The following SNX15 variants were observed in gnomAD, a reference collection of about 807,000 sequenced individuals.
SNX15 encodes the protein sorting nexin 15.
A neutral mutation model predicts 35.2 loss-of-function variants in SNX15; 29 were observed. That is an observed-to-expected ratio of 0.82 (90% CI 0.61 to 1.12). The LOEUF (loss-of-function observed/expected upper bound fraction) is 1.12. Among genes scored for constraint, SNX15 ranks in the 50% most tolerant of loss-of-function variants. The pLI is 0.00. For synonymous variants in SNX15, 189 were observed against 188.2 expected (o/e 1.00, Z -0.03); for missense variants, 400 against 451.5 (o/e 0.89, Z 1.03).
intron 3 of SNX15, among the ~76,000 whole-genome samples, chr11:65,033,995 A>C (rs1381897460): frequency 1.3e-5 from 2 of 152,104 alleles, no homozygotes; most frequent in Non-Finnish European, 2.9e-5. Context: ...GGTGTGAGCC[A>C]CCGCACCTGG....
At chr11:65,027,824 C>G (rs1254974977) in intron 1 of SNX15, among the ~76,000 whole-genome samples, 188 bp downstream of exon 1, 1 of 152,236 alleles carries the variant, frequency 6.6e-6, no homozygotes, top group African/African-American at 2.4e-5. Context: ...CCTGGGTGGG[C>G]GCTGTCTTTT....
Position 65,038,847 on chromosome 11 carries a change from G to A in SNX15, c.922+18G>A, listed in dbSNP as rs1484325273. On this transcript the variant is annotated intron_variant, in intron 7 of 7. Coordinates refer to ENST00000377244, the MANE Select transcript of SNX15 (RefSeq NM_013306.5). The stretch of plus-strand genomic sequence containing the variant: ...AGTCCCCAGTGAGTAGGGACTGAGG[G>A]TGGAGGGTCAGGCCTGGGTCCCAGG... 3 of 1,543,738 alleles carry A rather than the reference G, an allele frequency of 1.9e-6. No individual in the cohort carries two copies. Among genetic ancestry groups the A allele is most frequent in the East Asian group, 2.3e-5 (1 of 43,264 alleles).
In SNX15 at chr11:65,039,769, C is replaced by A. The variant is rs747518396; in HGVS notation, c.1006C>A (p.His336Asn). The part of the protein sequence containing the change: ...LKRAEEILRL[H>N]LSQLPP ...GCGGGCAGAGGAGATCCTGCGCCTG[C>A]ACCTGTCTCAACTCCCACCCTAACA... Residue 336 changes from histidine to asparagine, a missense_variant, in exon 8 of 8, where the codon CAC becomes AAC. His to Asn is a moderately conservative substitution (Grantham distance 68). Coordinates refer to ENST00000377244, the MANE Select transcript of SNX15 (RefSeq NM_013306.5). 1 of 1,612,572 alleles carries A rather than the reference C, an allele frequency of 6.2e-7. No individual in the cohort carries two copies. Among genetic ancestry groups the A allele is most frequent in the East Asian group, 2.2e-5 (1 of 44,848 alleles).
chr11:65,029,575 T>A (rs1172313128), intron 1 of SNX15, among the ~76,000 whole-genome samples: 1 of 149,914 alleles, frequency 6.7e-6, no homozygotes, highest in African/African-American at 2.4e-5. Context: ...TATATAAATA[T>A]ATGTATGTAT....
In SNX15 at chr11:65,039,915, C is replaced by A. The variant is rs1946561348; in HGVS notation, c.*123C>A. 1.7e-6 allele frequency: 1 copy of A among 605,970 alleles called. No individual in the cohort carries two copies. Among genetic ancestry groups the A allele is most frequent in the Non-Finnish European group, 3.0e-6 (1 of 335,258 alleles). The allele number at this position is 605,970 out of a possible 1,614,324, so 37.5% of individuals were successfully genotyped here. ...GGAGCCATTTCTGTAGGTAACTGGA[C>A]CAAGAATGAGAAAAATAATGAATTC... is the stretch of plus-strand genomic sequence containing the variant. On this transcript the variant is annotated 3_prime_UTR_variant, in exon 8 of 8. Coordinates refer to ENST00000377244, the MANE Select transcript of SNX15 (RefSeq NM_013306.5).
rs1318650868 is a variant in SNX15 at position 65,039,826 on chromosome 11, C to T, written c.*34C>T. On this transcript the variant is annotated 3_prime_UTR_variant, in exon 8 of 8. Coordinates refer to ENST00000377244, the MANE Select transcript of SNX15 (RefSeq NM_013306.5). ...GGGCCATTCCCTGGGACTCTCGCTCCTGCACTGCCAGCCCCTTCTCCTCTC... is the reference window on the plus strand; with the variant it reads ...GGGCCATTCCCTGGGACTCTCGCTCTTGCACTGCCAGCCCCTTCTCCTCTC... 18 of 1,416,694 alleles carry T rather than the reference C, an allele frequency of 1.3e-5. No homozygotes were observed. The East Asian group carries it at 3.3e-4, about 26-fold the overall frequency. 87.8% of individuals were successfully genotyped at this position (1,416,694 alleles called of 1,614,324 possible).
chr11:65,035,073 C>A lies in SNX15; in HGVS notation c.387C>A (p.Thr129=), dbSNP rs1370401661. 1.9e-6 allele frequency: 3 copies of A among 1,613,202 alleles called. No homozygotes were observed. Among genetic ancestry groups the A allele is most frequent in the Non-Finnish European group, 8.5e-7 (1 of 1,179,786 alleles). ...CTGTCCTGCAGGGTGGGGAGGTGAC[C>A]CGACCCTTGGAGGTGTCCAGGGACC... The part of the protein sequence containing the change: ...LKEFFRGGEV[T]RPLEVSRDLH... Residue 129 remains threonine (T), a synonymous_variant, in exon 5 of 8, where the codon ACC becomes ACA. Transcript: ENST00000377244.
intron 1 of SNX15, among the ~76,000 whole-genome samples, 154 bp from the exon 2 acceptor site, chr11:65,032,014 G>A (rs76553073): frequency 0.023 from 3,561 of 152,296 alleles, 138 homozygotes; most frequent in African/African-American, 0.08. Flanking sequence ...AATTACACGC[G>A]AAGGCTTAAA....
At chr11:65,032,049 C>A in intron 1 of SNX15, 119 bp from the exon 2 acceptor site, 1 of 937,104 alleles carries the variant, frequency 1.1e-6, no homozygotes, top group Non-Finnish European at 1.7e-6. Context: ...ATGCCAGAGG[C>A]CAATGGCCAA....
intron 6 of SNX15, chr11:65,037,202 T>A (rs930480425): frequency 6.6e-6 from 1 of 152,162 alleles, no homozygotes; most frequent in Non-Finnish European, 1.5e-5. Context: ...CTCTCCTTTT[T>A]AATTTTTTTA....
chr11:65,027,637 G>T lies in SNX15; in HGVS notation c.99+1G>T. ...CACCGAGTACAAAGTAACCGCGCAG[G>T]TGAGGTGGGGCCCAGCGCGTACTTT... is the stretch of plus-strand genomic sequence containing the variant. On this transcript the variant is annotated splice_donor_variant, in intron 1 of 7. Coordinates refer to ENST00000377244, the MANE Select transcript of SNX15 (RefSeq NM_013306.5). LOFTEE classifies it high-confidence loss of function. 3.1e-6 allele frequency: 5 copies of T among 1,611,510 alleles called. No individual in the cohort carries two copies. Among genetic ancestry groups the T allele is most frequent in the Non-Finnish European group, 4.2e-6 (5 of 1,177,664 alleles).
chr11:65,035,853 G>A (rs970547058), intron 6 of SNX15, 190 bp downstream of exon 6: 2 of 550,266 alleles, frequency 3.6e-6, no homozygotes, highest in African/African-American at 1.9e-5. Context: ...ACGTGGTGTG[G>A]TGTGCTGGAT....
At chr11:65,034,790 C>A in intron 3 of SNX15, 57 bp from the exon 4 acceptor site, 1 of 1,391,006 alleles carries the variant, frequency 7.2e-7, no homozygotes, top group Non-Finnish European at 1.0e-6. Flanking sequence ...GGCCTTGGGG[C>A]AGAAGCCCCT....
chr11:65,027,745 G>A (rs1946390096), intron 1 of SNX15, 109 bp downstream of exon 1: 1 of 811,392 alleles, frequency 1.2e-6, no homozygotes, highest in Non-Finnish European at 2.1e-6. Flanking sequence ...GACAGAAATG[G>A]GTTTCCCCTT....
At position 65,039,999 on chromosome 11, in the gene SNX15, C is replaced by T. The variant is rs954184790; in HGVS notation, c.*207C>T. On this transcript the variant is annotated 3_prime_UTR_variant, in exon 8 of 8. Transcript: ENST00000377244. ...CAAGGACTCACACTTCTGACCCTGCCTGTCTTTTTGGGGTTTTTTTGAGTT... is the reference window on the plus strand; with the variant it reads ...CAAGGACTCACACTTCTGACCCTGCTTGTCTTTTTGGGGTTTTTTTGAGTT... 3 of 488,436 alleles carry T rather than the reference C, an allele frequency of 6.1e-6. No individual in the cohort carries two copies. The highest frequency in any genetic ancestry group is 3.9e-5 in the African/African-American group (2 of 51,364). 30.3% of individuals were successfully genotyped at this position (488,436 alleles called of 1,614,324 possible).
chr11:65,032,551 G>A lies in SNX15; in HGVS notation c.256G>A (p.Gly86Ser). 1 of 1,614,088 alleles carries A rather than the reference G, an allele frequency of 6.2e-7. No individual in the cohort carries two copies. The highest frequency in any genetic ancestry group is 8.5e-7 in the Non-Finnish European group (1 of 1,180,014). ...TGCTTTCCCCCGGGCCCAGGTGTTT[G>A]GTGAGTGTTAGATTGGGGCACTCGG... ...FPAFPRAQVF[G>S]RFEASVIEER... is the part of the protein sequence containing the mutation. Residue 86 changes from glycine (G) to serine (S), a missense_variant and splice_region_variant, in exon 3 of 8, where the codon GGC becomes AGC. By Grantham distance (56) the Gly-to-Ser change is moderately conservative (BLOSUM62 0). Transcript: ENST00000377244.
intron 6 of SNX15, chr11:65,038,313 A>C (rs1946526777): frequency 8.5e-7 from 1 of 1,170,298 alleles, no homozygotes; most frequent in Non-Finnish European, 1.1e-6. Flanking sequence ...CCAGTGACCC[A>C]GAGCTTACAA....
intron 1 of SNX15, among the ~76,000 whole-genome samples, chr11:65,028,309 G>A (rs992900931): frequency 8.5e-5 from 13 of 152,196 alleles, no homozygotes; most frequent in African/African-American, 3.1e-4. Context: ...CCCAGGGAGA[G>A]GAACTGTGTC....
intron 3 of SNX15, among the ~76,000 whole-genome samples, 184 bp downstream of exon 3, chr11:65,032,735 T>C (rs1361649098): frequency 6.6e-6 from 1 of 152,186 alleles, no homozygotes; most frequent in Non-Finnish European, 1.5e-5. Flanking sequence ...GCCTAACCCT[T>C]ACTGTGTATT....
Sources: allele counts gnomAD v4.1 joint callset (sites outside exome capture counted in the v4.1 genomes callset), GRCh38; gene constraint gnomAD v4.1.1; transcripts MANE v1.5; gene names NCBI Gene and HGNC (gene_info 2026-07-23, HGNC 2026-07-21).